RIN2: variants seen among roughly 807,000 people sequenced by gnomAD.
RIN2 encodes Ras and Rab interactor 2.
In RIN2, 36 loss-of-function variants were observed where a neutral mutation model predicts 78.0. That is an observed-to-expected ratio of 0.46 (90% CI 0.35 to 0.61). The LOEUF (loss-of-function observed/expected upper bound fraction) is 0.61, where lower values mean the gene tolerates loss of function less well. Among genes scored for constraint, RIN2 ranks in the 20% least tolerant of loss-of-function variants. The probability of loss-of-function intolerance (pLI) is 0.00; values close to 1 mark genes in which losing one functional copy is unlikely to be tolerated. For missense variants in RIN2, 1,087 were observed against 1,159.7 expected (o/e 0.94, Z 0.91); for synonymous variants, 466 against 466.8 (o/e 1.00, Z 0.02).
chr20:19,990,519 A>G (rs1451169783), intron 10 of RIN2, among the ~76,000 whole-genome samples: 1 of 152,182 alleles, frequency 6.6e-6, no homozygotes, highest in East Asian at 1.9e-4. Flanking sequence ...GAGGGCAACA[A>G]GATTTTTGTA....
chr20:19,927,492 G>A (rs1043399485), intron 3 of RIN2, among the ~76,000 whole-genome samples: 6 of 152,072 alleles, frequency 3.9e-5, no homozygotes, highest in Non-Finnish European at 8.8e-5. Context: ...TTGGCTCACT[G>A]CAACCTCTGT....
chr20:19,977,833 CT>C (rs1188157360), intron 9 of RIN2, among the ~76,000 whole-genome samples: 1 of 152,118 alleles, frequency 6.6e-6, no homozygotes, highest in Non-Finnish European at 1.5e-5. Context: ...CATTGCCATG[CT>C]TTTTCTGTGG....
At chr20:19,792,964 T>A (rs1432573075) in intron 1 of RIN2, among the ~76,000 whole-genome samples, 2 of 152,032 alleles carry the variant, frequency 1.3e-5, no homozygotes, top group African/African-American at 2.4e-5. Flanking sequence ...TGTGTGTGTG[T>A]GTGTGTCTGG....
At chr20:19,842,739 A>T (rs1038508866) in intron 2 of RIN2, among the ~76,000 whole-genome samples, 4 of 152,152 alleles carry the variant, frequency 2.6e-5, no homozygotes, top group Admixed American at 2.0e-4. Flanking sequence ...TCTGCAGCCC[A>T]TGGATCAAGA....
At chr20:19,893,808 A>G (rs916144638) in intron 3 of RIN2, among the ~76,000 whole-genome samples, 2 of 152,190 alleles carry the variant, frequency 1.3e-5, no homozygotes, top group Non-Finnish European at 1.5e-5. Context: ...GCCATGGCTC[A>G]CACCTGTAAA....
chr20:19,792,942 T>C, intron 1 of RIN2, among the ~76,000 whole-genome samples: 1 of 105,506 alleles, frequency 9.5e-6, no homozygotes, highest in South Asian at 3.3e-4. Flanking sequence ...GCAGCCACTG[T>C]GTGTGTGTGT....
rs4814913 is a variant in RIN2 at position 19,874,994 on chromosome 20, A to G, written c.-36-14572A>G. 2.4e-3 allele frequency among the ~76,000 whole-genome samples: 359 copies of G among 149,216 alleles called. 6 individuals carry two copies. Among genetic ancestry groups the G allele is most frequent in the Admixed American group, 0.018 (266 of 15,002 alleles). ...TCATGCCTCAGCCTCCTGAGGAGCTAGGATTACAGGTGGGTGCCACCATAC... is the reference window on the plus strand; with the variant it reads ...TCATGCCTCAGCCTCCTGAGGAGCTGGGATTACAGGTGGGTGCCACCATAC... On this transcript the variant is annotated intron_variant, in intron 2 of 12. Transcript: ENST00000255006.
rs573805765 is a variant in RIN2, at chr20:19,908,297, C to A, written c.57+18639C>A. The stretch of plus-strand genomic sequence containing the variant: ...ATGAGGTCAGGAGATCGAGACCATC[C>A]TGGCTAACATGGTGAAACCCCGTCT... On this transcript the variant is annotated intron_variant, in intron 3 of 12. Coordinates refer to ENST00000255006, the MANE Select transcript of RIN2 (RefSeq NM_018993.4). 2.0e-5 allele frequency among the ~76,000 whole-genome samples: 3 copies of A among 152,198 alleles called. No homozygotes were observed. In the South Asian group the frequency reaches 6.2e-4, roughly 32 times the overall value.
chr20:19,998,269 A>G (rs886812674), intron 12 of RIN2, among the ~76,000 whole-genome samples: 2 of 150,166 alleles, frequency 1.3e-5, no homozygotes, highest in African/African-American at 2.4e-5. Context: ...GGCGTGAGCC[A>G]CTGCGCCTGG....
chr20:19,990,252 A>G lies in RIN2; in HGVS notation c.2009A>G (p.Lys670Arg). 6.2e-7 allele frequency: 1 copy of G among 1,613,638 alleles called. No homozygotes were observed. Among genetic ancestry groups the G allele is most frequent in the Non-Finnish European group, 8.5e-7 (1 of 1,179,770 alleles). Residue 670 changes from lysine to arginine, a missense_variant, in exon 10 of 13, where the codon AAG becomes AGG. Lys to Arg is a conservative substitution (Grantham distance 26). Around this residue, in one of 8 missense-constraint regions of RIN2, gnomAD observed 97 missense variants for 104.8 expected, o/e 0.93. Transcript: ENST00000255006. ...TMQKMYSPEK[K>R]VMLLLRVCKL... is the part of the protein sequence containing the mutation. ...CAGAAGATGTATTCGCCGGAAAAGAAGGTCATGCTGCTGCTGCGGGTCTGC... is the reference window on the plus strand; with the variant it reads ...CAGAAGATGTATTCGCCGGAAAAGAGGGTCATGCTGCTGCTGCGGGTCTGC...
intron 4 of RIN2, among the ~76,000 whole-genome samples, chr20:19,939,094 A>G (rs1364018138): frequency 6.6e-6 from 1 of 152,190 alleles, no homozygotes; most frequent in African/African-American, 2.4e-5. Flanking sequence ...CTAGAGCTGG[A>G]GTGCAGTGGT....
intron 3 of RIN2, among the ~76,000 whole-genome samples, chr20:19,922,462 G>A (rs948072207): frequency 1.3e-5 from 2 of 152,002 alleles, no homozygotes; most frequent in African/African-American, 4.8e-5. Context: ...ATGTTTCTAG[G>A]GATTTTCAGA....
rs1443478057 is a variant in RIN2 at position 19,975,160 on chromosome 20, G to A, written c.1135G>A (p.Gly379Ser). The part of the protein sequence containing the change: ...EAEGGAKTLS[G>S]GRPGAGPELE... The stretch of plus-strand genomic sequence containing the variant: ...AGAGGGCGGTGCAAAGACCTTGAGC[G>A]GCGGCCGGCCGGGCGCAGGCCCGGA... The change falls in exon 9 of 13, where the codon GGC becomes AGC. Residue 379 changes from glycine (G) to serine (S), a missense_variant. Gly to Ser is a moderately conservative substitution (Grantham distance 56). This residue lies in a region of RIN2 where 706 missense variants were observed against 667.5 expected (regional missense o/e 1.06). Transcript: ENST00000255006. This position sits in a 1 kb window ranked among gnomAD's most constrained non-coding sequence, Gnocchi z 4.9. 4.3e-6 allele frequency: 7 copies of A among 1,612,040 alleles called. No homozygotes were observed. In the South Asian group the frequency reaches 4.4e-5, roughly 10 times the overall value.
chr20:19,909,095 G>A (rs964691294), intron 3 of RIN2, among the ~76,000 whole-genome samples: 4 of 151,994 alleles, frequency 2.6e-5, no homozygotes, highest in Non-Finnish European at 4.4e-5. Flanking sequence ...AACTCCTGAC[G>A]TCAGGTGATC....
At chr20:19,803,235 A>C (rs2035303585) in intron 2 of RIN2, among the ~76,000 whole-genome samples, 1 of 152,178 alleles carries the variant, frequency 6.6e-6, no homozygotes, top group Non-Finnish European at 1.5e-5. Context: ...AAGCCTGATA[A>C]TAATAAGGAT....
chr20:19,837,996 G>T (rs4814908), intron 2 of RIN2, among the ~76,000 whole-genome samples: 1 of 151,976 alleles, frequency 6.6e-6, no homozygotes, highest in Non-Finnish European at 1.5e-5. Context: ...GAAAAAGAAA[G>T]TAATTTATTC....
At chr20:19,992,380 A>G (rs2042823370) in intron 11 of RIN2, 81 bp downstream of exon 11, 1 of 1,335,844 alleles carries the variant, frequency 7.5e-7, no homozygotes, top group Non-Finnish European at 1.0e-6. Flanking sequence ...TTCATGTCAC[A>G]TAACATTAAT....
chr20:19,985,697 C>A (rs1206592555), intron 9 of RIN2, among the ~76,000 whole-genome samples: 1 of 152,128 alleles, frequency 6.6e-6, no homozygotes, highest in African/African-American at 2.4e-5. Flanking sequence ...CATAGTGAGA[C>A]CCCCAGCATC....
intron 2 of RIN2, among the ~76,000 whole-genome samples, chr20:19,842,365 A>G (rs1457924356): frequency 7.6e-6 from 1 of 131,944 alleles, no homozygotes; most frequent in Non-Finnish European, 1.6e-5. Context: ...CTGGGATTAC[A>G]GGCACTCACC....
Sources: gnomAD v4.1 joint callset for allele counts (sites outside exome capture counted in the v4.1 genomes callset) on GRCh38, gnomAD v4.1.1 for gene constraint, gnomAD v4.1.1 regional missense constraint, Gnocchi (gnomAD v3.1) non-coding constraint, MANE v1.5 for transcripts, NCBI Gene and HGNC (gene_info 2026-07-23, HGNC 2026-07-21) for gene names.